The following SBDS variants were observed in gnomAD, a reference collection of about 807,000 sequenced individuals.
The protein encoded by SBDS is SBDS ribosome maturation factor.
A neutral mutation model predicts 26.4 loss-of-function variants in SBDS; 20 were observed. The observed-to-expected ratio is 0.76, with a 90% confidence interval of 0.53 to 1.10. SBDS has a LOEUF of 1.10. Among genes scored for constraint, SBDS ranks in the 50% least tolerant of loss-of-function variants. The probability of loss-of-function intolerance (pLI) is 0.00; values close to 1 mark genes in which losing one functional copy is unlikely to be tolerated. For missense variants in SBDS, 241 were observed against 302.0 expected (o/e 0.80, Z 1.50); for synonymous variants, 95 against 105.1 (o/e 0.90, Z 0.59).
At chr7:66,988,699 C>T (rs1184917710) in intron 4 of SBDS, among the ~76,000 whole-genome samples, 200 bp from the exon 5 acceptor site, 1 of 152,072 alleles carries the variant, frequency 6.6e-6, no homozygotes, top group African/African-American at 2.4e-5. Flanking sequence ...GTCCATGTAG[C>T]CCCCTGTGAC....
rs552635797 is a variant in SBDS at position 66,992,008 on chromosome 7, A to C, written c.460-707T>G. ...TGTTTTAGAAATAGGTTTGGTAGTCACCAGGTATACAGAAATGAAAACATA... is the reference window on the plus strand; with the variant it reads ...TGTTTTAGAAATAGGTTTGGTAGTCCCCAGGTATACAGAAATGAAAACATA... On this transcript the variant is annotated intron_variant, in intron 3 of 4. Coordinates refer to ENST00000246868, the MANE Select transcript of SBDS (RefSeq NM_016038.4). Among the ~76,000 whole-genome samples, 27 of 152,330 alleles carry C rather than the reference A, an allele frequency of 1.8e-4. No individual in the cohort carries two copies. In the East Asian group the frequency reaches 2.9e-3, roughly 16 times the overall value.
chr7:66,994,737 C>T lies in SBDS; in HGVS notation c.129-396G>A, dbSNP rs998961983. Among the ~76,000 whole-genome samples, 5 of 152,182 alleles carry T rather than the reference C, an allele frequency of 3.3e-5. No individual in the cohort carries two copies. In the South Asian group the frequency reaches 6.2e-4, roughly 19 times the overall value. Reference sequence around the variant, plus strand: ...AACTCCTGGCCTCAAGTGAACTGCCCGCATCGGCCTGAGGGAACATTTTCA... The same window carrying T: ...AACTCCTGGCCTCAAGTGAACTGCCTGCATCGGCCTGAGGGAACATTTTCA... On this transcript the variant is annotated intron_variant, in intron 1 of 4. Transcript: ENST00000246868.
chr7:66,988,143 C>T lies in SBDS; in HGVS notation c.*228G>A, dbSNP rs573830819. The T allele has an allele frequency of 1.0e-4, 51 of 507,520 alleles. No homozygotes were observed. The highest frequency in any genetic ancestry group is 9.9e-4 in the South Asian group (48 of 48,270). 31.4% of individuals were successfully genotyped at this position (507,520 alleles called of 1,614,324 possible). A position where few individuals can be genotyped will look rare whatever the true frequency, so the allele number is the denominator to read the frequency against. ...CAAAATGCCACTCTGGACTTTGCAT[C>T]TTGGAGTTTCAATTTTGCTTTAGGA... is the stretch of plus-strand genomic sequence containing the variant. On this transcript the variant is annotated 3_prime_UTR_variant, in exon 5 of 5. Transcript: ENST00000246868.
chr7:66,995,507 G>T lies in SBDS; in HGVS notation c.-90C>A. 1 of 1,594,474 alleles carries T rather than the reference G, an allele frequency of 6.3e-7. No individual in the cohort carries two copies. The highest frequency in any genetic ancestry group is 1.3e-5 in the African/African-American group (1 of 74,668). On this transcript the variant is annotated 5_prime_UTR_variant, in exon 1 of 5. Coordinates refer to ENST00000246868, the MANE Select transcript of SBDS (RefSeq NM_016038.4). ...CCACCAGCGCCTCGCGGTAACGACCGATCGGCGCGCGGCACTGACCCAACC... is the reference window on the plus strand; with the variant it reads ...CCACCAGCGCCTCGCGGTAACGACCTATCGGCGCGCGGCACTGACCCAACC...
Position 66,995,446 on chromosome 7 carries a change from C to A in SBDS, c.-29G>T. The A allele has an allele frequency of 8.7e-6, 14 of 1,612,746 alleles. No individual in the cohort carries two copies. The highest frequency in any genetic ancestry group is 1.2e-5 in the Non-Finnish European group (14 of 1,179,960). On this transcript the variant is annotated 5_prime_UTR_variant, in exon 1 of 5. Coordinates refer to ENST00000246868, the MANE Select transcript of SBDS (RefSeq NM_016038.4). ...GGCTGTTCAAAGACCCAGAAGCCGG[C>A]GAACCAGGGCTGACCCGCGCCGTCC...
At position 66,994,411 on chromosome 7, in the gene SBDS, A is replaced by G. The variant is rs1584437688; in HGVS notation, c.129-70T>C. ...CTTGGACATGCATTTACATTTAAATACGAGATGGCAACAACATGAACGGCA... is the reference window on the plus strand; with the variant it reads ...CTTGGACATGCATTTACATTTAAATGCGAGATGGCAACAACATGAACGGCA... On this transcript the variant is annotated intron_variant, in intron 1 of 4. Coordinates refer to ENST00000246868, the MANE Select transcript of SBDS (RefSeq NM_016038.4). 2.1e-5 allele frequency: 28 copies of G among 1,327,960 alleles called. No individual in the cohort carries two copies. In the East Asian group the frequency reaches 6.2e-4, roughly 29 times the overall value. The allele number at this position is 1,327,960 out of a possible 1,614,324, so 82.3% of individuals were successfully genotyped here.
At chr7:66,989,765 T>C (rs1350693921) in intron 4 of SBDS, among the ~76,000 whole-genome samples, 2 of 152,154 alleles carry the variant, frequency 1.3e-5, no homozygotes, top group South Asian at 2.1e-4. Flanking sequence ...AACAATGCTT[T>C]ATCAGGCTTC....
At chr7:66,990,947 G>C in intron 4 of SBDS, 190 bp downstream of exon 4, 1 of 495,446 alleles carries the variant, frequency 2.0e-6, no homozygotes. Flanking sequence ...TACCCGGGAG[G>C]CGGAGCTTGC....
At chr7:66,995,000 A>G (rs1793067609) in intron 1 of SBDS, among the ~76,000 whole-genome samples, 1 of 152,242 alleles carries the variant, frequency 6.6e-6, no homozygotes, top group South Asian at 2.1e-4. Context: ...AGCCATCATT[A>G]TTCTAGGAAA....
intron 3 of SBDS, 25 bp downstream of exon 3, chr7:66,993,192 T>C (rs756549233): frequency 6.9e-6 from 11 of 1,597,384 alleles, no homozygotes; most frequent in Non-Finnish European, 9.4e-6. Flanking sequence ...ATGGCTATAT[T>C]TTGATGACAT....
chr7:66,988,611 C>A (rs1584434318), intron 4 of SBDS, 112 bp from the exon 5 acceptor site: 1 of 1,262,614 alleles, frequency 7.9e-7, no homozygotes, highest in East Asian at 2.4e-5. Context: ...TCTAATAATA[C>A]CACAGTTCTA....
chr7:66,995,393 G>A lies in SBDS; in HGVS notation c.25C>T (p.Gln9Ter), dbSNP rs777720287. 3 of 1,613,908 alleles carry A rather than the reference G, an allele frequency of 1.9e-6. No homozygotes were observed. Among genetic ancestry groups the A allele is most frequent in the African/African-American group, 2.7e-5 (2 of 74,936 alleles). Residue 9 changes from glutamine to a stop codon, truncating the protein, a stop_gained, in exon 1 of 5, where the codon CAG becomes TAG. Coordinates refer to ENST00000246868, the MANE Select transcript of SBDS (RefSeq NM_016038.4). LOFTEE classifies it high-confidence loss of function. ...ACGGCCACATTGGTTAGGCGGATCT[G>A]GTTGGTGGGGGTGAAGATCGACATC... is the stretch of plus-strand genomic sequence containing the variant. MSIFTPTN[Q>*]IRLTNVAVVR...
chr7:66,990,205 A>G (rs1792946056), intron 4 of SBDS, among the ~76,000 whole-genome samples: 1 of 151,820 alleles, frequency 6.6e-6, no homozygotes, highest in African/African-American at 2.4e-5. Context: ...TTTAGTAGAG[A>G]CAGGGTTTCT....
At chr7:66,991,957 A>T (rs1346497584) in intron 3 of SBDS, among the ~76,000 whole-genome samples, 10 of 152,316 alleles carry the variant, frequency 6.6e-5, no homozygotes, top group Admixed American at 3.9e-4. Context: ...TTAAACACTG[A>T]TGGTGGTAAA....
chr7:66,995,233 C>A, intron 1 of SBDS, 57 bp downstream of exon 1: 1 of 1,611,262 alleles, frequency 6.2e-7, no homozygotes, highest in Non-Finnish European at 8.5e-7. Flanking sequence ...AGAGACAGGC[C>A]GCCTCGGAGG....
chr7:66,988,269 G>T lies in SBDS; in HGVS notation c.*102C>A. The stretch of plus-strand genomic sequence containing the variant: ...CACTGTTAACACAAAGATAGAAAAT[G>T]TCAAATAGTTTAAGCAAGTATTTGG... On this transcript the variant is annotated 3_prime_UTR_variant, in exon 5 of 5. Coordinates refer to ENST00000246868, the MANE Select transcript of SBDS (RefSeq NM_016038.4). 1 of 1,268,242 alleles carries T rather than the reference G, an allele frequency of 7.9e-7. No individual in the cohort carries two copies. Among genetic ancestry groups the T allele is most frequent in the Non-Finnish European group, 1.1e-6 (1 of 880,468 alleles). The allele number at this position is 1,268,242 out of a possible 1,614,324, so 78.6% of individuals were successfully genotyped here.
chr7:66,992,765 T>TGGGA (rs1437506947), intron 3 of SBDS, among the ~76,000 whole-genome samples: 1 of 152,050 alleles, frequency 6.6e-6, no homozygotes, highest in Non-Finnish European at 1.5e-5. Context: ...CCCAGCACTT[T>TGGGA]GGGAGGCCAA....
At chr7:66,994,391 A>G (rs758165816) in intron 1 of SBDS, 50 bp from the exon 2 acceptor site, 1 of 1,500,182 alleles carries the variant, frequency 6.7e-7, no homozygotes, top group South Asian at 1.1e-5. Flanking sequence ...TGAAACTTGG[A>G]CATGCATTTA....
rs544547625 is a variant in SBDS at position 66,993,679 on chromosome 7, A to G, written c.259-262T>C. ...ACCCAAGGTCAGGAGTTTGAGACCA[A>G]CCTGGCCAACATGGTGAAACCCCAT... is the stretch of plus-strand genomic sequence containing the variant. On this transcript the variant is annotated intron_variant, in intron 2 of 4. Coordinates refer to ENST00000246868, the MANE Select transcript of SBDS (RefSeq NM_016038.4). Among the ~76,000 whole-genome samples the G allele has an allele frequency of 3.2e-3, 490 of 152,112 alleles. 2 individuals are homozygous for G. Among genetic ancestry groups the G allele is most frequent in the Non-Finnish European group, 5.9e-3 (399 of 67,960 alleles).
Sources: allele counts gnomAD v4.1 joint callset (sites outside exome capture counted in the v4.1 genomes callset), GRCh38; gene constraint gnomAD v4.1.1; transcripts MANE v1.5; gene names NCBI Gene and HGNC (gene_info 2026-07-23, HGNC 2026-07-21).